ZNF280D: variants seen among roughly 807,000 people sequenced by gnomAD.
The protein encoded by ZNF280D is zinc finger protein 280D.
ZNF280D carries 39 observed loss-of-function variants against 94.7 expected under a neutral mutation model. The observed-to-expected ratio is 0.41, with a 90% CI of 0.32 to 0.54. The LOEUF is 0.54. Ranked by LOEUF, ZNF280D falls within the 20% of genes least tolerant of loss-of-function variation. ZNF280D has a pLI of 0.22. For synonymous variants in ZNF280D, 398 were observed against 377.6 expected (o/e 1.05, Z -0.63); for missense variants, 1,090 against 1,149.3 (o/e 0.95, Z 0.75).
intron 9 of ZNF280D, 73 bp from the exon 10 acceptor site, chr15:56,682,550 T>A: frequency 1.0e-6 from 1 of 994,110 alleles, no homozygotes; most frequent in Non-Finnish European, 1.4e-6. Context: ...AAAAAGTGAT[T>A]GTGTGTTTAC....
In ZNF280D at chr15:56,703,972, T is replaced by C. The variant is rs1248236958; in HGVS notation, c.175+149A>G. ...CATTTCTCTTTTCTGACATCTGATA[T>C]TTAATCTCTTACCTCCTTCCTCAAG... is the stretch of plus-strand genomic sequence containing the variant. On this transcript the variant is annotated intron_variant, in intron 4 of 21. Coordinates refer to ENST00000267807, the MANE Select transcript of ZNF280D (RefSeq NM_017661.4). The C allele has an allele frequency of 5.0e-6, 4 of 796,564 alleles. No homozygotes were observed. The African/African-American group carries it at 5.5e-5, about 11-fold the overall frequency. The allele number at this position is 796,564 out of a possible 1,614,324, so 49.3% of individuals were successfully genotyped here.
Position 56,689,408 on chromosome 15 carries a change from G to T in ZNF280D, c.562C>A (p.Pro188Thr). Residue 188 changes from proline to threonine, a missense_variant, in exon 8 of 22, where the codon CCA (proline) becomes ACA (threonine). Physicochemically the swap from Pro to Thr is conservative, Grantham distance 38. This residue lies in a region of ZNF280D where 386 missense variants were observed against 372.0 expected (regional missense o/e 1.04). Coordinates refer to ENST00000267807, the MANE Select transcript of ZNF280D (RefSeq NM_017661.4). ...CTTTCGCTGGGTTTAGGCTTCTTTG[G>T]ATTAACATTATTTACTTCAGAAGTA... ...PSTSEVNNVN[P>T]KKPKPSESVS... The T allele has an allele frequency of 6.3e-7, 1 of 1,597,618 alleles. No homozygotes were observed. Among genetic ancestry groups the T allele is most frequent in the Non-Finnish European group, 8.5e-7 (1 of 1,171,834 alleles).
chr15:56,694,257 C>G (rs994042067), intron 6 of ZNF280D, among the ~76,000 whole-genome samples: 4 of 151,226 alleles, frequency 2.6e-5, no homozygotes, highest in African/African-American at 9.7e-5. Flanking sequence ...TAGGGACATA[C>G]ACTCCGATAT....
At chr15:56,670,906 T>C (rs916792259) in intron 13 of ZNF280D, among the ~76,000 whole-genome samples, 2 of 152,112 alleles carry the variant, frequency 1.3e-5, no homozygotes, top group Admixed American at 1.3e-4. Context: ...CTCACTGTAG[T>C]TTTGATTTGC....
At chr15:56,657,669 G>C (rs1425192447) in intron 17 of ZNF280D, among the ~76,000 whole-genome samples, 1 of 152,104 alleles carries the variant, frequency 6.6e-6, no homozygotes, top group African/African-American at 2.4e-5. Flanking sequence ...AAACCACAAT[G>C]AGATACCACT....
Position 56,668,843 on chromosome 15 carries a change from C to G in ZNF280D, c.1525G>C (p.Gly509Arg). Reference sequence around the variant, plus strand: ...CTCACTTTTGTTCCAGGAGGCAATCCTTCTAGTTGTTTAGGTTTTATAAAT... The same window carrying G: ...CTCACTTTTGTTCCAGGAGGCAATCGTTCTAGTTGTTTAGGTTTTATAAAT... ...RTFIKPKQLE[G>R]LPPGTKVTIR... The change falls in exon 14 of 22, where the codon GGA becomes CGA. Residue 509 changes from glycine to arginine, a missense_variant. This residue lies in a region of ZNF280D where 577 missense variants were observed against 568.8 expected (regional missense o/e 1.01). Coordinates refer to ENST00000267807, the MANE Select transcript of ZNF280D (RefSeq NM_017661.4). The G allele has an allele frequency of 6.2e-7, 1 of 1,603,072 alleles. No homozygotes were observed. The highest frequency in any genetic ancestry group is 8.5e-7 in the Non-Finnish European group (1 of 1,175,792).
intron 21 of ZNF280D, among the ~76,000 whole-genome samples, chr15:56,634,595 C>A (rs2140498041): frequency 6.6e-6 from 1 of 152,176 alleles, no homozygotes; most frequent in East Asian, 1.9e-4. Context: ...AAATATATAG[C>A]ATACAGATAT....
chr15:56,711,035 G>T (rs1477923811), intron 1 of ZNF280D, among the ~76,000 whole-genome samples: 2 of 152,186 alleles, frequency 1.3e-5, no homozygotes, highest in African/African-American at 2.4e-5. Flanking sequence ...GAAAGATTCT[G>T]GCTTAATTCA....
At chr15:56,710,265 G>A (rs148045677) in intron 1 of ZNF280D, among the ~76,000 whole-genome samples, 13,679 of 152,162 alleles carry the variant, frequency 0.09, 689 homozygotes, top group Non-Finnish European at 0.11. Flanking sequence ...TTAGCTGGGC[G>A]TGGTGGCACA....
chr15:56,686,223 C>T (rs920156431), intron 9 of ZNF280D, among the ~76,000 whole-genome samples: 1 of 152,194 alleles, frequency 6.6e-6, no homozygotes, highest in African/African-American at 2.4e-5. Context: ...ACTGCAACCT[C>T]CGCCTCCCAG....
At chr15:56,653,555 G>A in intron 19 of ZNF280D, 1 of 1,514,286 alleles carries the variant, frequency 6.6e-7, no homozygotes, top group Non-Finnish European at 8.8e-7. Flanking sequence ...ACACTGTCCA[G>A]GTATACCCTG....
At chr15:56,685,699 G>C (rs577464426) in intron 9 of ZNF280D, among the ~76,000 whole-genome samples, 2 of 152,222 alleles carry the variant, frequency 1.3e-5, no homozygotes, top group African/African-American at 4.8e-5. Context: ...AGGAATAGAA[G>C]ACTAGTGGAG....
intron 1 of ZNF280D, chr15:56,730,069 G>A (rs566869811): frequency 6.6e-6 from 1 of 151,812 alleles, no homozygotes; most frequent in South Asian, 2.1e-4. Context: ...AACGTAAAAT[G>A]CAAAAAAAAC....
At chr15:56,652,706 A>C in intron 19 of ZNF280D, 1 of 985,352 alleles carries the variant, frequency 1.0e-6, no homozygotes, top group Non-Finnish European at 1.2e-6. Context: ...ACAAATACGT[A>C]ACTTTAAAAC....
At position 56,644,070 on chromosome 15, in the gene ZNF280D, T is replaced by C. The variant is rs140176443; in HGVS notation, c.2214-1073A>G. 4.3e-4 allele frequency among the ~76,000 whole-genome samples: 66 copies of C among 152,172 alleles called. 1 individual carries two copies. The East Asian group carries it at 0.013, about 29-fold the overall frequency. On this transcript the variant is annotated intron_variant, in intron 19 of 21. Coordinates refer to ENST00000267807, the MANE Select transcript of ZNF280D (RefSeq NM_017661.4). ...TTTGTTAAACATTAATAATTAACTG[T>C]ATGAAATTACTTATCTGTATTTTAG... is the stretch of plus-strand genomic sequence containing the variant.
chr15:56,691,085 T>A (rs1245117050), intron 7 of ZNF280D, among the ~76,000 whole-genome samples: 2 of 152,098 alleles, frequency 1.3e-5, no homozygotes, highest in East Asian at 1.9e-4. Context: ...AACAAAACAT[T>A]TGGTACACAG....
intron 1 of ZNF280D, among the ~76,000 whole-genome samples, chr15:56,723,167 A>C (rs1318989101): frequency 6.6e-6 from 1 of 152,080 alleles, no homozygotes; most frequent in Non-Finnish European, 1.5e-5. Flanking sequence ...AGCATGGCAC[A>C]TGTATACGTA....
At chr15:56,691,808 T>TA (rs1319679824) in intron 7 of ZNF280D, among the ~76,000 whole-genome samples, 3 of 152,078 alleles carry the variant, frequency 2.0e-5, no homozygotes, top group South Asian at 2.1e-4. Flanking sequence ...GATTTGGACA[T>TA]AAAAAATCCC....
At chr15:56,713,936 A>G (rs2057906466) in intron 1 of ZNF280D, among the ~76,000 whole-genome samples, 1 of 152,200 alleles carries the variant, frequency 6.6e-6, no homozygotes, top group Non-Finnish European at 1.5e-5. Flanking sequence ...GAAAATGTAA[A>G]TCATAAGCGA....
Sources: gnomAD v4.1 joint callset for allele counts (sites outside exome capture counted in the v4.1 genomes callset) on GRCh38, gnomAD v4.1.1 for gene constraint, gnomAD v4.1.1 regional missense constraint, MANE v1.5 for transcripts, NCBI Gene and HGNC (gene_info 2026-07-23, HGNC 2026-07-21) for gene names.